The following LRRC7 variants were observed in gnomAD, a reference collection of about 807,000 sequenced individuals.
LRRC7 encodes the protein leucine rich repeat containing 7, also known as leucine-rich repeat-containing protein 7.
LRRC7 carries 23 observed loss-of-function variants against 175.7 expected under a neutral mutation model. That is an observed-to-expected ratio of 0.13 (90% CI 0.09 to 0.19). The LOEUF (loss-of-function observed/expected upper bound fraction) is 0.19, where lower values mean the gene tolerates loss of function less well. Among genes scored for constraint, LRRC7 ranks in the 10% least tolerant of loss-of-function variants. The pLI, the probability that LRRC7 is intolerant of heterozygous loss-of-function variation, is 1.00. For synonymous variants in LRRC7, 685 were observed against 680.9 expected, an observed-to-expected ratio of 1.01 and a Z score of -0.09; for missense variants, 1,354 against 1,904.7, an observed-to-expected ratio of 0.71 and a Z score of 5.38.
At chr1:70,070,889 G>A (rs542790374) in intron 23 of LRRC7, among the ~76,000 whole-genome samples, 136 of 152,284 alleles carry the variant, frequency 8.9e-4, no homozygotes, top group African/African-American at 3.2e-3. Flanking sequence ...AGCTCCTTGT[G>A]TGGTCACCAC....
intron 1 of LRRC7, among the ~76,000 whole-genome samples, chr1:69,647,038 A>G (rs925404348): frequency 6.6e-6 from 1 of 152,164 alleles, no homozygotes; most frequent in Admixed American, 6.6e-5. Flanking sequence ...CATAGTAGGA[A>G]ACAGAATCCT....
intron 20 of LRRC7, 146 bp downstream of exon 20, chr1:70,036,770 T>G (rs1459096529): frequency 1.2e-6 from 1 of 807,412 alleles, no homozygotes; most frequent in East Asian, 2.6e-5. Context: ...GTTGTTCGCC[T>G]GGGACTGCCA....
intron 1 of LRRC7, among the ~76,000 whole-genome samples, chr1:69,584,646 CT>C: frequency 6.6e-6 from 1 of 152,146 alleles, no homozygotes; most frequent in East Asian, 1.9e-4. Context: ...AGAAATAATA[CT>C]TTAGATATAC....
At chr1:69,997,236 T>C (rs1369026482) in intron 11 of LRRC7, among the ~76,000 whole-genome samples, 1 of 152,224 alleles carries the variant, frequency 6.6e-6, no homozygotes, top group African/African-American at 2.4e-5. Context: ...TTGTGATTTT[T>C]GTACATTGAT....
chr1:69,761,106 A>T (rs988920907), intron 3 of LRRC7, among the ~76,000 whole-genome samples: 1 of 152,048 alleles, frequency 6.6e-6, no homozygotes, highest in African/African-American at 2.4e-5. Flanking sequence ...GCTAAAGCAG[A>T]CCAAGACCAC....
chr1:69,879,231 AAAAAAG>A (rs1272234205), intron 7 of LRRC7, among the ~76,000 whole-genome samples: 9 of 147,684 alleles, frequency 6.1e-5, no homozygotes, highest in South Asian at 2.1e-4. Flanking sequence ...AAAAAAAAAA[AAAAAAG>A]ACTGCGCACT....
intron 1 of LRRC7, among the ~76,000 whole-genome samples, chr1:69,667,642 C>T (rs1360315558): frequency 6.6e-6 from 1 of 152,064 alleles, no homozygotes; most frequent in Non-Finnish European, 1.5e-5. Context: ...TTTTGGTTTC[C>T]ATTGGCATGG....
intron 18 of LRRC7, among the ~76,000 whole-genome samples, chr1:70,031,485 C>A (rs1019757018): frequency 3.9e-5 from 6 of 152,078 alleles, no homozygotes; most frequent in African/African-American, 1.4e-4. Context: ...AAAATAAATA[C>A]CTAGGAGTTT....
At chr1:69,815,103 T>C (rs893810672) in intron 4 of LRRC7, among the ~76,000 whole-genome samples, 2 of 152,194 alleles carry the variant, frequency 1.3e-5, no homozygotes, top group African/African-American at 2.4e-5. Flanking sequence ...CAATCTAGAC[T>C]GTGTGCTCTC....
intron 2 of LRRC7, among the ~76,000 whole-genome samples, chr1:69,687,713 CT>C (rs35806841): frequency 0.15 from 22,359 of 151,380 alleles, 1,796 homozygotes; most frequent in Middle Eastern, 0.2. Context: ...GTTTTGGTCC[CT>C]TTTTTTTACC....
intron 9 of LRRC7, among the ~76,000 whole-genome samples, chr1:69,981,409 G>T (rs554739506): frequency 6.6e-6 from 1 of 152,062 alleles, no homozygotes; most frequent in Admixed American, 6.5e-5. Flanking sequence ...CTGAAACAAA[G>T]ATTATGGAAA....
chr1:69,642,646 C>A (rs1158442879), intron 1 of LRRC7, among the ~76,000 whole-genome samples: 8 of 151,906 alleles, frequency 5.3e-5, no homozygotes, highest in African/African-American at 1.9e-4. Flanking sequence ...TCAGATTTTC[C>A]CTGATAAAAT....
intron 1 of LRRC7, among the ~76,000 whole-genome samples, chr1:69,583,094 T>A (rs1382099400): frequency 6.6e-6 from 1 of 151,940 alleles, no homozygotes; most frequent in Non-Finnish European, 1.5e-5. Context: ...TTTATTTTTT[T>A]ATAATATCTG....
At chr1:69,576,302 T>C (rs1417576376) in intron 1 of LRRC7, among the ~76,000 whole-genome samples, 1 of 152,008 alleles carries the variant, frequency 6.6e-6, no homozygotes, top group Non-Finnish European at 1.5e-5. Context: ...TGGTTAAACA[T>C]CTGTTATGAC....
chr1:69,688,182 G>T (rs1053255826), intron 2 of LRRC7, among the ~76,000 whole-genome samples: 2 of 152,210 alleles, frequency 1.3e-5, no homozygotes, highest in Non-Finnish European at 2.9e-5. Context: ...GGCTTCAGAT[G>T]CTTTATGGTA....
intron 7 of LRRC7, among the ~76,000 whole-genome samples, chr1:69,923,517 G>GT (rs1348874391): frequency 6.6e-6 from 1 of 152,128 alleles, no homozygotes; most frequent in Non-Finnish European, 1.5e-5. Flanking sequence ...ATTCTAACTG[G>GT]TGTGAGATGG....
intron 7 of LRRC7, among the ~76,000 whole-genome samples, chr1:69,908,428 C>A (rs1310005218): frequency 1.3e-5 from 2 of 151,908 alleles, no homozygotes; most frequent in Non-Finnish European, 2.9e-5. Context: ...CTACACACTG[C>A]TTTGAATGTG....
intron 7 of LRRC7, among the ~76,000 whole-genome samples, chr1:69,858,440 A>C (rs1367026016): frequency 6.6e-6 from 1 of 152,170 alleles, no homozygotes; most frequent in Non-Finnish European, 1.5e-5. Context: ...CATGTACCCT[A>C]GAACTTATAG....
rs373077119 is a variant in LRRC7, at chr1:69,649,591, T to C, written c.3-28790T>C. Among the ~76,000 whole-genome samples the C allele has an allele frequency of 3.7e-4, 57 of 152,296 alleles. No homozygotes were observed. The East Asian group carries it at 4.4e-3, about 12-fold the overall frequency. ...GTGATAATAGAGATTAGAAGTAATT[T>C]GGGAAGTTCTGGTAACCCTCTAGGA... On this transcript the variant is annotated intron_variant, in intron 1 of 26. Coordinates refer to ENST00000651989, the MANE Select transcript of LRRC7 (RefSeq NM_001370785.2).
Sources: allele counts gnomAD v4.1 joint callset (sites outside exome capture counted in the v4.1 genomes callset), GRCh38; gene constraint gnomAD v4.1.1; transcripts MANE v1.5; gene names NCBI Gene and HGNC (gene_info 2026-07-23, HGNC 2026-07-21).